Variants in AZIN1 observed in about 807,000 individuals in gnomAD.
AZIN1 encodes ornithine decarboxylase antizyme inhibitor.
In AZIN1, 12 loss-of-function variants were observed where a neutral mutation model predicts 47.4. The ratio of observed to expected loss-of-function variants is 0.25; its 90% CI spans 0.16 to 0.41. AZIN1 has a LOEUF of 0.41. AZIN1 is among the 10% of genes least tolerant of loss of function. AZIN1 has a pLI of 1.00. For missense variants in AZIN1, 410 were observed against 532.4 expected (o/e 0.77, Z 2.26); for synonymous variants, 155 against 176.3 (o/e 0.88, Z 0.96).
At chr8:102,854,799 T>G (rs1377414062) in intron 2 of AZIN1, among the ~76,000 whole-genome samples, 1 of 151,246 alleles carries the variant, frequency 6.6e-6, no homozygotes, top group East Asian at 1.9e-4. Context: ...AAAAAAAAAC[T>G]TTTTAAAGCA....
At chr8:102,833,679 G>A (rs1181526397) in intron 8 of AZIN1, among the ~76,000 whole-genome samples, 5 of 151,802 alleles carry the variant, frequency 3.3e-5, no homozygotes, top group Admixed American at 2.0e-4. Flanking sequence ...TGGGGCAGGA[G>A]GATCACTTGG....
intron 1 of AZIN1, among the ~76,000 whole-genome samples, chr8:102,861,222 CATT>C (rs543255044): frequency 2.5e-4 from 38 of 152,086 alleles, no homozygotes; most frequent in Non-Finnish European, 5.0e-4. Flanking sequence ...GTTTATTTTT[CATT>C]ATTATTATTA....
At chr8:102,858,895 A>G (rs951085606) in intron 1 of AZIN1, among the ~76,000 whole-genome samples, 5 of 152,242 alleles carry the variant, frequency 3.3e-5, no homozygotes, top group Non-Finnish European at 7.3e-5. Context: ...GTTACCACTC[A>G]TCACTTCTAA....
At chr8:102,857,624 ATCTATC>A (rs1434420383) in intron 2 of AZIN1, among the ~76,000 whole-genome samples, 2 of 152,110 alleles carry the variant, frequency 1.3e-5, no homozygotes, top group Non-Finnish European at 2.9e-5. Flanking sequence ...ATGTATCTCT[ATCTATC>A]TCTATCATCT....
At chr8:102,853,274 G>A (rs1006349710) in intron 2 of AZIN1, among the ~76,000 whole-genome samples, 1 of 152,268 alleles carries the variant, frequency 6.6e-6, no homozygotes, top group Non-Finnish European at 1.5e-5. Flanking sequence ...GGAGGCCAAG[G>A]AAGGCGGATC....
intron 3 of AZIN1, among the ~76,000 whole-genome samples, chr8:102,842,586 A>G (rs1157886964): frequency 1.3e-5 from 2 of 152,084 alleles, no homozygotes; most frequent in Middle Eastern, 3.4e-3. Context: ...GGGCGCCTGT[A>G]ATCCCAGCTA....
At chr8:102,848,293 ACTAT>A (rs1812703781) in intron 2 of AZIN1, among the ~76,000 whole-genome samples, 1 of 146,442 alleles carries the variant, frequency 6.8e-6, no homozygotes, top group Admixed American at 7.2e-5. Context: ...GCAAAGCTCA[ACTAT>A]CAGCTACTGT....
Position 102,827,828 on chromosome 8 carries a change from T to G in AZIN1, c.*739A>C, listed in dbSNP as rs974644634. The G allele has an allele frequency of 6.6e-6, 1 of 152,530 alleles. No individual in the cohort carries two copies. The allele number at this position is 152,530 out of a possible 1,614,324, so 9.4% of individuals were successfully genotyped here. A position where few individuals can be genotyped will look rare whatever the true frequency, so the allele number is the denominator to read the frequency against. ...TAATGAATCTGAACTTCACAATGAT[T>G]TACCAAACACTTTACTTAAATTACT... On this transcript the variant is annotated 3_prime_UTR_variant, in exon 12 of 12. Transcript: ENST00000337198.
chr8:102,857,469 A>G (rs1813364295), intron 2 of AZIN1, among the ~76,000 whole-genome samples: 1 of 152,160 alleles, frequency 6.6e-6, no homozygotes, highest in African/African-American at 2.4e-5. Flanking sequence ...CAGGGGCTCA[A>G]TTCTAAAGTA....
intron 2 of AZIN1, among the ~76,000 whole-genome samples, chr8:102,845,005 C>G (rs1812475685): frequency 6.6e-6 from 1 of 152,178 alleles, no homozygotes; most frequent in South Asian, 2.1e-4. Flanking sequence ...ACAGGTCCAC[C>G]AGACAGGATA....
At chr8:102,859,486 CAGTG>C (rs1263840646) in intron 1 of AZIN1, among the ~76,000 whole-genome samples, 3 of 152,186 alleles carry the variant, frequency 2.0e-5, no homozygotes, top group Non-Finnish European at 4.4e-5. Context: ...GAATGTTCCT[CAGTG>C]AGAACCCTAC....
At chr8:102,837,157 T>G (rs2131215459) in intron 5 of AZIN1, among the ~76,000 whole-genome samples, 1 of 152,324 alleles carries the variant, frequency 6.6e-6, no homozygotes, top group East Asian at 1.9e-4. Flanking sequence ...TGACTTCAAG[T>G]GATCCACCCG....
chr8:102,853,857 A>T (rs1314625141), intron 2 of AZIN1, among the ~76,000 whole-genome samples: 10 of 146,344 alleles, frequency 6.8e-5, no homozygotes, highest in Non-Finnish European at 1.5e-4. Flanking sequence ...ATCTGTGAGA[A>T]ATTAAATCGG....
At chr8:102,854,956 T>C (rs1323216243) in intron 2 of AZIN1, among the ~76,000 whole-genome samples, 1 of 152,160 alleles carries the variant, frequency 6.6e-6, no homozygotes, top group Non-Finnish European at 1.5e-5. Flanking sequence ...TTTAAAATAT[T>C]TTCCATTAGG....
intron 9 of AZIN1, among the ~76,000 whole-genome samples, chr8:102,830,890 C>T (rs1320707666): frequency 6.6e-6 from 1 of 152,084 alleles, no homozygotes; most frequent in Non-Finnish European, 1.5e-5. Context: ...GTTACTCAGG[C>T]TACAGTGCAG....
intron 1 of AZIN1, among the ~76,000 whole-genome samples, chr8:102,859,738 A>G (rs1440671655): frequency 6.6e-6 from 1 of 152,226 alleles, no homozygotes; most frequent in African/African-American, 2.4e-5. Context: ...CAGGAGCCTG[A>G]GGCACAAGAA....
At chr8:102,844,845 A>C (rs1388241374) in intron 2 of AZIN1, among the ~76,000 whole-genome samples, 1 of 152,184 alleles carries the variant, frequency 6.6e-6, no homozygotes, top group Non-Finnish European at 1.5e-5. Context: ...CTCTCCACTC[A>C]AATCAATGAA....
chr8:102,836,877 G>GA (rs1385413714), intron 5 of AZIN1, among the ~76,000 whole-genome samples: 6 of 151,998 alleles, frequency 3.9e-5, no homozygotes, highest in Non-Finnish European at 7.4e-5. Flanking sequence ...TCTCTAACTG[G>GA]AAAAAAATAG....
rs1342078605 is a variant in AZIN1, at chr8:102,828,659, C to T, written c.1255G>A (p.Gly419Arg). The change falls in exon 12 of 12, where the codon GGA becomes AGA. Residue 419 changes from glycine (G) to arginine (R), a missense_variant. Coordinates refer to ENST00000337198, the MANE Select transcript of AZIN1 (RefSeq NM_148174.4). The part of the protein sequence containing the change: ...FSDWYEMQDA[G>R]ITSDSMMKNF... ...TTCATCATTGAGTCTGAAGTAATTC[C>T]AGCATCTTGCATCTCATACCTACGT... 1.9e-6 allele frequency: 3 copies of T among 1,606,646 alleles called. No individual in the cohort carries two copies. Among genetic ancestry groups the T allele is most frequent in the Non-Finnish European group, 2.6e-6 (3 of 1,174,476 alleles).
Sources: gnomAD v4.1 joint callset for allele counts (sites outside exome capture counted in the v4.1 genomes callset) on GRCh38, gnomAD v4.1.1 for gene constraint, MANE v1.5 for transcripts, NCBI Gene and HGNC (gene_info 2026-07-23, HGNC 2026-07-21) for gene names.